SOX6: variants seen among roughly 807,000 people sequenced by gnomAD.
The protein encoded by SOX6 is SRY-box transcription factor 6.
A neutral mutation model predicts 97.8 loss-of-function variants in SOX6; 11 were observed. The observed-to-expected ratio is 0.11, with a 90% confidence interval of 0.07 to 0.19. SOX6 has a LOEUF of 0.19. Among genes scored for constraint, SOX6 ranks in the 10% least tolerant of loss-of-function variants. SOX6 has a pLI of 1.00. For missense variants in SOX6, 810 were observed against 1,039.5 expected, an observed-to-expected ratio of 0.78 and a Z score of 3.04; for synonymous variants, 360 against 371.4, an observed-to-expected ratio of 0.97 and a Z score of 0.35.
intron 4 of SOX6, among the ~76,000 whole-genome samples, chr11:16,562,023 A>G (rs942000935): frequency 2.0e-5 from 3 of 152,122 alleles, no homozygotes; most frequent in Non-Finnish European, 4.4e-5. Context: ...CATGGTGCCC[A>G]GCCCCTTATT....
intron 1 of SOX6, among the ~76,000 whole-genome samples, chr11:16,463,360 C>T (rs1859968298): frequency 1.3e-5 from 2 of 152,168 alleles, no homozygotes. Flanking sequence ...GTCATGGTCT[C>T]TTCCCTGACA....
chr11:16,112,104 T>TACCGA (rs1430733284), intron 6 of SOX6, among the ~76,000 whole-genome samples, 181 bp from the exon 7 acceptor site: 3 of 152,194 alleles, frequency 2.0e-5, no homozygotes, highest in African/African-American at 7.2e-5. Flanking sequence ...GAGATGCTAA[T>TACCGA]AGCATACCGA....
At chr11:16,358,904 T>C (rs1005663598), upstream of SOX6, among the ~76,000 whole-genome samples, 15 of 152,150 alleles carry the variant, frequency 9.9e-5, no homozygotes, top group African/African-American at 3.6e-4. Context: ...TACTACCTCT[T>C]TTATTTAGCC....
intron 4 of SOX6, among the ~76,000 whole-genome samples, chr11:16,584,317 A>G (rs982257091): frequency 6.6e-5 from 10 of 152,172 alleles, no homozygotes; most frequent in Non-Finnish European, 1.2e-4. Context: ...TGAGTTTATG[A>G]TTTGAGGTAA....
chr11:16,211,990 A>G (rs1203463405), intron 4 of SOX6, among the ~76,000 whole-genome samples: 1 of 152,198 alleles, frequency 6.6e-6, no homozygotes, highest in Admixed American at 6.5e-5. Context: ...TCTCTTTTAG[A>G]CATATTAAAA....
At chr11:16,091,652 T>A (rs1269268020) in intron 9 of SOX6, among the ~76,000 whole-genome samples, 2 of 152,060 alleles carry the variant, frequency 1.3e-5, no homozygotes, top group Non-Finnish European at 2.9e-5. Context: ...TTCTCCTCCA[T>A]CTTTGCAAAC....
chr11:16,447,537 GAGAT>G (rs1451480502), intron 1 of SOX6, among the ~76,000 whole-genome samples: 2 of 152,184 alleles, frequency 1.3e-5, no homozygotes, highest in African/African-American at 2.4e-5. Flanking sequence ...GAAAGAGAGA[GAGAT>G]AGACAGAACT....
chr11:15,976,950 T>C (rs1258905017), intron 15 of SOX6, among the ~76,000 whole-genome samples: 1 of 152,054 alleles, frequency 6.6e-6, no homozygotes, highest in Non-Finnish European at 1.5e-5. Flanking sequence ...GGTTATTTGC[T>C]TTCCATCCCC....
Position 15,966,794 on chromosome 11 carries a change from C to T in SOX6, c.*6015G>A, listed in dbSNP as rs542513770. The T allele has an allele frequency of 1.1e-4, 16 of 152,338 alleles. No homozygotes were observed. The South Asian group carries it at 3.3e-3, about 32-fold the overall frequency. 9.4% of individuals were successfully genotyped at this position (152,338 alleles called of 1,614,324 possible). A position where few individuals can be genotyped will look rare whatever the true frequency, so the allele number is the denominator to read the frequency against. ...GAGGGGAAGACTTTGAAAAGTACCACTGAAAGATTATTCAATGTTGAGCTT... is the reference window on the plus strand; with the variant it reads ...GAGGGGAAGACTTTGAAAAGTACCATTGAAAGATTATTCAATGTTGAGCTT... On this transcript the variant is annotated 3_prime_UTR_variant, in exon 16 of 16. Coordinates refer to ENST00000683767, the MANE Select transcript of SOX6 (RefSeq NM_001367873.1).
At chr11:16,131,575 C>A (rs897720852) in intron 6 of SOX6, among the ~76,000 whole-genome samples, 1 of 152,030 alleles carries the variant, frequency 6.6e-6, no homozygotes, top group African/African-American at 2.4e-5. Context: ...TAAAGCCCTA[C>A]AATTAATCCA....
intron 4 of SOX6, among the ~76,000 whole-genome samples, chr11:16,542,638 A>G (rs963188662): frequency 6.6e-6 from 1 of 152,160 alleles, no homozygotes; most frequent in African/African-American, 2.4e-5. Flanking sequence ...ATTCAACAGC[A>G]TGAGTGAGTT....
chr11:16,093,369 G>A (rs926036382), intron 9 of SOX6, among the ~76,000 whole-genome samples: 7 of 151,828 alleles, frequency 4.6e-5, no homozygotes, highest in African/African-American at 9.7e-5. Context: ...TGGTCTTTAC[G>A]GAATCTTCCT....
chr11:16,043,569 T>G (rs763801439), intron 12 of SOX6, among the ~76,000 whole-genome samples: 1 of 152,176 alleles, frequency 6.6e-6, no homozygotes, highest in African/African-American at 2.4e-5. Context: ...CGTGTAATCA[T>G]ATGGACACAT....
intron 1 of SOX6, among the ~76,000 whole-genome samples, chr11:16,738,033 A>T (rs1035475632): frequency 6.6e-6 from 1 of 152,178 alleles, no homozygotes; most frequent in Non-Finnish European, 1.5e-5. Flanking sequence ...ACACAAAGCC[A>T]TATGAAAACT....
At chr11:16,411,476 A>G (rs1253766887) in intron 1 of SOX6, among the ~76,000 whole-genome samples, 1 of 152,178 alleles carries the variant, frequency 6.6e-6, no homozygotes, top group Non-Finnish European at 1.5e-5. Context: ...CAGGTAAAAA[A>G]GACCAAATTT....
At chr11:16,732,154 G>GC (rs1848355338) in intron 2 of SOX6, among the ~76,000 whole-genome samples, 1 of 152,254 alleles carries the variant, frequency 6.6e-6, no homozygotes, top group South Asian at 2.1e-4. Flanking sequence ...TGTGAAAATG[G>GC]CCACACTGCC....
At chr11:16,512,309 C>G (rs1008736818) in intron 4 of SOX6, among the ~76,000 whole-genome samples, 2 of 152,136 alleles carry the variant, frequency 1.3e-5, no homozygotes, top group Non-Finnish European at 2.9e-5. Flanking sequence ...CTTAGTGAAC[C>G]GCAAACACAA....
intron 4 of SOX6, among the ~76,000 whole-genome samples, chr11:16,496,139 T>C (rs566809939): frequency 5.3e-5 from 8 of 152,092 alleles, no homozygotes; most frequent in Non-Finnish European, 1.0e-4. Flanking sequence ...AAACCAGATG[T>C]GCAGATATCA....
intron 9 of SOX6, among the ~76,000 whole-genome samples, chr11:16,081,050 C>A (rs548994483): frequency 2.0e-5 from 3 of 151,848 alleles, no homozygotes. Flanking sequence ...GATTGTACCA[C>A]GGCACTCCAG....
Sources: allele counts gnomAD v4.1 joint callset (sites outside exome capture counted in the v4.1 genomes callset), GRCh38; gene constraint gnomAD v4.1.1; transcripts MANE v1.5; gene names NCBI Gene and HGNC (gene_info 2026-07-23, HGNC 2026-07-21).